Variants in CLIP2 observed in about 807,000 individuals in gnomAD.
The protein encoded by CLIP2 is CAP-Gly domain containing linker protein 2, also known as CAP-Gly domain-containing linker protein 2.
CLIP2 carries 41 observed loss-of-function variants against 111.7 expected under a neutral mutation model. The ratio of observed to expected loss-of-function variants is 0.37; its 90% CI spans 0.29 to 0.48. CLIP2 has a LOEUF of 0.48. Among genes scored for constraint, CLIP2 ranks in the 20% least tolerant of loss-of-function variants. The probability of loss-of-function intolerance (pLI) is 0.99; values close to 1 mark genes in which losing one functional copy is unlikely to be tolerated. For missense variants in CLIP2, 1,160 were observed against 1,422.1 expected (o/e 0.82, Z 2.96); for synonymous variants, 660 against 644.2 (o/e 1.02, Z -0.37).
At chr7:74,377,488 G>A (rs1476935904) in intron 10 of CLIP2, among the ~76,000 whole-genome samples, 5 of 152,318 alleles carry the variant, frequency 3.3e-5, no homozygotes, top group Admixed American at 2.0e-4. Context: ...GCCCCTCTGA[G>A]GAGGTCAACA....
intron 1 of CLIP2, among the ~76,000 whole-genome samples, chr7:74,303,135 C>T (rs1215772875): frequency 2.6e-5 from 4 of 152,274 alleles, no homozygotes; most frequent in Middle Eastern, 3.4e-3. Flanking sequence ...GCCTCAGAGC[C>T]GGCAAGACTC....
intron 2 of CLIP2, among the ~76,000 whole-genome samples, chr7:74,325,819 G>GA (rs1789091950): frequency 6.6e-6 from 1 of 150,800 alleles, no homozygotes; most frequent in African/African-American, 2.4e-5. Context: ...GCAACAGAAC[G>GA]AGACTCCATC....
At chr7:74,349,468 G>A (rs868956980) in intron 3 of CLIP2, among the ~76,000 whole-genome samples, 28 of 61,766 alleles carry the variant, frequency 4.5e-4, no homozygotes, top group South Asian at 7.3e-4. Context: ...GTGTGTGTGT[G>A]TGTATATATA....
chr7:74,372,494 C>T (rs1267497755), intron 8 of CLIP2, among the ~76,000 whole-genome samples: 2 of 151,268 alleles, frequency 1.3e-5, no homozygotes, highest in Non-Finnish European at 2.9e-5. Context: ...TTGCCTACAA[C>T]CAGTGACAGC....
rs1554732910 is a variant in CLIP2, at chr7:74,339,293, T to TTTTATTTA, written c.678+293_678+294insTTTATTTA. On this transcript the variant is annotated intron_variant, in intron 3 of 16. Transcript: ENST00000223398. ...AATGGGATATTTATTTATTTACTTA[T>TTTTATTTA]TTTACTTATTTATTTATTTATTTAT... Among the ~76,000 whole-genome samples, 3 of 90,228 alleles carry TTTTATTTA rather than the reference T, an allele frequency of 3.3e-5. No individual in the cohort carries two copies. The East Asian group carries it at 9.9e-4, about 30-fold the overall frequency. The allele number at this position is 90,228 out of a possible 152,430, so 59.2% of individuals were successfully genotyped here.
intron 2 of CLIP2, among the ~76,000 whole-genome samples, chr7:74,325,677 C>G (rs1166049281): frequency 2.0e-5 from 3 of 149,966 alleles, no homozygotes; most frequent in South Asian, 4.2e-4. Flanking sequence ...ACTAAAAATA[C>G]AAAAATTAGC....
At chr7:74,363,257 C>T (rs1046192998) in intron 7 of CLIP2, among the ~76,000 whole-genome samples, 6 of 152,200 alleles carry the variant, frequency 3.9e-5, no homozygotes, top group African/African-American at 1.2e-4. Flanking sequence ...CCACCTTGGC[C>T]TCCCAAAGTG....
At chr7:74,358,387 G>A (rs117055260) in intron 6 of CLIP2, among the ~76,000 whole-genome samples, 2,384 of 151,494 alleles carry the variant, frequency 0.016, 41 homozygotes, top group East Asian at 0.11. Context: ...TTTAATATAG[G>A]GATGGGGTCA....
chr7:74,322,152 G>C (rs1013881316), intron 2 of CLIP2, among the ~76,000 whole-genome samples: 1 of 150,892 alleles, frequency 6.6e-6, no homozygotes, highest in Non-Finnish European at 1.5e-5. Context: ...CAACAACACC[G>C]GCCAATTTTT....
At chr7:74,331,432 C>T (rs1404444381) in intron 2 of CLIP2, among the ~76,000 whole-genome samples, 2 of 151,468 alleles carry the variant, frequency 1.3e-5, no homozygotes, top group African/African-American at 4.8e-5. Context: ...GGAAGGAGGT[C>T]ATGTGGGTTC....
chr7:74,305,704 G>T (rs1187093392), intron 1 of CLIP2, among the ~76,000 whole-genome samples: 19 of 152,092 alleles, frequency 1.2e-4, no homozygotes, highest in Admixed American at 9.2e-4. Flanking sequence ...ATGTTGCCCA[G>T]GCTGGTCTTG....
chr7:74,388,495 C>G (rs1327807183), intron 12 of CLIP2, among the ~76,000 whole-genome samples: 1 of 148,416 alleles, frequency 6.7e-6, no homozygotes, highest in Non-Finnish European at 1.5e-5. Context: ...AAGACTCCGT[C>G]TCAAAAAAAA....
intron 3 of CLIP2, among the ~76,000 whole-genome samples, chr7:74,347,936 T>C (rs1554306708): frequency 6.6e-6 from 1 of 151,930 alleles, no homozygotes. Context: ...TCCCAGCACT[T>C]TGGGAGGCCA....
intron 1 of CLIP2, among the ~76,000 whole-genome samples, chr7:74,293,782 G>A (rs767956946): frequency 3.2e-4 from 48 of 152,200 alleles, no homozygotes; most frequent in Non-Finnish European, 6.8e-4. Flanking sequence ...CCAGTGTGGG[G>A]AGGAGAGGAC....
chr7:74,302,015 A>C (rs1554726949), intron 1 of CLIP2, among the ~76,000 whole-genome samples: 1 of 151,848 alleles, frequency 6.6e-6, no homozygotes, highest in Non-Finnish European at 1.5e-5. Flanking sequence ...GCCTGGCCTT[A>C]TTGACTCATT....
At chr7:74,351,525 A>T (rs1789997935) in intron 3 of CLIP2, among the ~76,000 whole-genome samples, 1 of 151,872 alleles carries the variant, frequency 6.6e-6, no homozygotes, top group African/African-American at 2.4e-5. Flanking sequence ...CTGTGGGAAG[A>T]TGTGCTCTAC....
At chr7:74,310,561 A>AC (rs1788615363) in intron 1 of CLIP2, among the ~76,000 whole-genome samples, 1 of 152,014 alleles carries the variant, frequency 6.6e-6, no homozygotes, top group South Asian at 2.1e-4. Flanking sequence ...CAGCTGCCCT[A>AC]CTTTTGTTTG....
At chr7:74,394,587 T>C (rs563348942) in intron 13 of CLIP2, among the ~76,000 whole-genome samples, 7 of 152,284 alleles carry the variant, frequency 4.6e-5, no homozygotes, top group Non-Finnish European at 7.3e-5. Flanking sequence ...AGGAATCTCT[T>C]TGAAGCACAG....
chr7:74,304,291 C>T (rs797041575), intron 1 of CLIP2, among the ~76,000 whole-genome samples: 12 of 151,862 alleles, frequency 7.9e-5, no homozygotes, highest in East Asian at 3.9e-4. Context: ...CTTTGGGAGG[C>T]CAAGGCAGGT....
Sources: gnomAD v4.1 joint callset for allele counts (sites outside exome capture counted in the v4.1 genomes callset) on GRCh38, gnomAD v4.1.1 for gene constraint, MANE v1.5 for transcripts, NCBI Gene and HGNC (gene_info 2026-07-23, HGNC 2026-07-21) for gene names.